CDH23: variants seen among roughly 807,000 people sequenced by gnomAD.
CDH23 encodes the protein cadherin-23.
CDH23 carries 189 observed loss-of-function variants against 317.1 expected under a neutral mutation model. The observed-to-expected ratio is 0.60, with a 90% confidence interval of 0.53 to 0.67. The LOEUF (loss-of-function observed/expected upper bound fraction) is 0.67, where lower values mean the gene tolerates loss of function less well. Among genes scored for constraint, CDH23 ranks in the 30% least tolerant of loss-of-function variants. The pLI, the probability that CDH23 is intolerant of heterozygous loss-of-function variation, is 0.00. For synonymous variants in CDH23, 1,839 were observed against 1,876.8 expected, an observed-to-expected ratio of 0.98 and a Z score of 0.52; for missense variants, 4,401 against 4,592.4, an observed-to-expected ratio of 0.96 and a Z score of 1.20.
At chr10:71,719,979 T>C (rs1014699985) in intron 28 of CDH23, among the ~76,000 whole-genome samples, 3 of 152,164 alleles carry the variant, frequency 2.0e-5, no homozygotes, top group East Asian at 1.9e-4. Flanking sequence ...CTCTCAGGGG[T>C]GGAAGACTCT....
chr10:71,668,047 G>A (rs976599636), intron 14 of CDH23, among the ~76,000 whole-genome samples: 2 of 152,168 alleles, frequency 1.3e-5, no homozygotes, highest in Non-Finnish European at 2.9e-5. Flanking sequence ...CCAAGACCAA[G>A]CCTGGGATGG....
At position 71,739,699 on chromosome 10, in the gene CDH23, C is replaced by A. The variant is rs760493700; in HGVS notation, c.4415C>A (p.Thr1472Asn). The A allele has an allele frequency of 3.7e-6, 6 of 1,613,518 alleles. No homozygotes were observed. ...GCGGGGGCCTTTGAGATCGTCACCA[C>A]CAATGACTCCATTGGCGAAGTGTTT... is the stretch of plus-strand genomic sequence containing the variant. ...NIAGAFEIVT[T>N]NDSIGEVFVA... is the part of the protein sequence containing the mutation. Residue 1472 changes from threonine (T) to asparagine (N), a missense_variant, in exon 36 of 70, where the codon ACC becomes AAC. Thr to Asn is a moderately conservative substitution (Grantham distance 65, BLOSUM62 0). This residue lies in a region of CDH23 where 3,068 missense variants were observed against 3,203.3 expected (regional missense o/e 0.96). Transcript: ENST00000224721.
chr10:71,573,247 G>A (rs1165262124), intron 8 of CDH23, among the ~76,000 whole-genome samples: 2 of 152,210 alleles, frequency 1.3e-5, no homozygotes, highest in African/African-American at 2.4e-5. Flanking sequence ...TTTCAGAGTC[G>A]TTGTAGTTGG....
At chr10:71,460,077 G>A (rs933222374) in intron 3 of CDH23, among the ~76,000 whole-genome samples, 2 of 152,206 alleles carry the variant, frequency 1.3e-5, no homozygotes, top group African/African-American at 4.8e-5. Flanking sequence ...GGAAACTGAG[G>A]CTTAGAGAGG....
chr10:71,772,509 G>T (rs1461438561), intron 38 of CDH23, among the ~76,000 whole-genome samples: 2 of 152,234 alleles, frequency 1.3e-5, no homozygotes, highest in Non-Finnish European at 2.9e-5. Flanking sequence ...TCTGCCCCCA[G>T]CCCGGGAGCC....
chr10:71,447,347 A>T (rs10999812), intron 3 of CDH23, among the ~76,000 whole-genome samples: 53,149 of 152,108 alleles, frequency 0.35, 11,573 homozygotes, highest in East Asian at 0.49. Context: ...AGTAGAGTGG[A>T]TGCATAATTC....
At chr10:71,539,233 A>G (rs1280251291) in intron 6 of CDH23, among the ~76,000 whole-genome samples, 1 of 152,114 alleles carries the variant, frequency 6.6e-6, no homozygotes, top group African/African-American at 2.4e-5. Flanking sequence ...CCAGGAACCC[A>G]GAGTGAGCAC....
Position 71,709,085 on chromosome 10 carries a change from C to A in CDH23, c.3107-13C>A, listed in dbSNP as rs373137451. 1 of 1,612,714 alleles carries A rather than the reference C, an allele frequency of 6.2e-7. No homozygotes were observed. The highest frequency in any genetic ancestry group is 8.5e-7 in the Non-Finnish European group (1 of 1,179,110). On this transcript the variant is annotated splice_polypyrimidine_tract_variant and intron_variant, in intron 26 of 69. Transcript: ENST00000224721. The stretch of plus-strand genomic sequence containing the variant: ...TGTTTCCCAGCCGGAAGCTTCCTCT[C>A]CTTCACCCACAGGTGGCAACGTGGA...
At chr10:71,576,989 C>T (rs767812874) in intron 8 of CDH23, among the ~76,000 whole-genome samples, 13 of 152,170 alleles carry the variant, frequency 8.5e-5, no homozygotes, top group Non-Finnish European at 1.8e-4. Context: ...GCCCAGAGCA[C>T]CTTCCTCTTC....
chr10:71,578,081 G>A, intron 9 of CDH23, 89 bp downstream of exon 9: 1 of 1,314,408 alleles, frequency 7.6e-7, no homozygotes, highest in Non-Finnish European at 1.1e-6. Context: ...TGAGGGCTAA[G>A]GAGAGGTCTG....
intron 6 of CDH23, among the ~76,000 whole-genome samples, chr10:71,539,248 G>A (rs1855865012): frequency 6.6e-6 from 1 of 152,146 alleles, no homozygotes; most frequent in Non-Finnish European, 1.5e-5. Flanking sequence ...GAGCACCCTG[G>A]CTTATGGTGC....
At chr10:71,770,988 C>T (rs1160737980) in intron 38 of CDH23, among the ~76,000 whole-genome samples, 1 of 152,160 alleles carries the variant, frequency 6.6e-6, no homozygotes, top group East Asian at 1.9e-4. Context: ...ACCATTGCTG[C>T]GTCAGAGGCT....
intron 20 of CDH23, 111 bp downstream of exon 20, chr10:71,690,695 GCA>G: frequency 1.4e-6 from 1 of 717,508 alleles, no homozygotes; most frequent in Non-Finnish European, 2.5e-6. Flanking sequence ...TCAGTTTTGA[GCA>G]GACCAGCTTT....
intron 6 of CDH23, among the ~76,000 whole-genome samples, chr10:71,522,657 C>T (rs1275616028): frequency 6.6e-6 from 1 of 152,124 alleles, no homozygotes; most frequent in Non-Finnish European, 1.5e-5. Flanking sequence ...GGGGAGCTAA[C>T]CCCTGTGGTC....
At chr10:71,756,970 G>A (rs574417035) in intron 38 of CDH23, among the ~76,000 whole-genome samples, 3 of 152,224 alleles carry the variant, frequency 2.0e-5, no homozygotes, top group Non-Finnish European at 2.9e-5. Context: ...ACTGGTACAG[G>A]AACAGTTGCT....
At chr10:71,808,105 A>G in intron 60 of CDH23, 98 bp downstream of exon 60, 1 of 1,440,876 alleles carries the variant, frequency 6.9e-7, no homozygotes. Context: ...GGAGCACCAC[A>G]GGATATGGGT....
intron 38 of CDH23, among the ~76,000 whole-genome samples, chr10:71,754,559 G>A (rs1356041846): frequency 1.3e-5 from 2 of 152,150 alleles, no homozygotes; most frequent in Non-Finnish European, 2.9e-5. Context: ...CAGGAACTAG[G>A]CAAGGGGCAC....
At chr10:71,529,663 T>C (rs1184952991) in intron 6 of CDH23, among the ~76,000 whole-genome samples, 1 of 152,040 alleles carries the variant, frequency 6.6e-6, no homozygotes, top group Non-Finnish European at 1.5e-5. Context: ...TAGCAGAACA[T>C]GGAAATCAAG....
intron 3 of CDH23, among the ~76,000 whole-genome samples, chr10:71,460,041 A>G (rs1850900848): frequency 6.6e-6 from 1 of 152,236 alleles, no homozygotes; most frequent in African/African-American, 2.4e-5. Flanking sequence ...TGAAGGAGGT[A>G]GTTATGGAGC....
Sources: allele counts gnomAD v4.1 joint callset (sites outside exome capture counted in the v4.1 genomes callset), GRCh38; gene constraint gnomAD v4.1.1; regional missense constraint gnomAD v4.1.1; transcripts MANE v1.5; gene names NCBI Gene and HGNC (gene_info 2026-07-23, HGNC 2026-07-21).